The following TRIP4 variants were observed in gnomAD, a reference collection of about 807,000 sequenced individuals.
The protein encoded by TRIP4 is thyroid hormone receptor interactor 4.
In TRIP4, 54 loss-of-function variants were observed where a neutral mutation model predicts 81.8. That is an observed-to-expected ratio of 0.66 (90% CI 0.53 to 0.83). The LOEUF is 0.83. Ranked by LOEUF, TRIP4 falls within the 40% of genes least tolerant of loss-of-function variation. TRIP4 has a pLI of 0.00. For missense variants in TRIP4, 662 were observed against 683.6 expected, an observed-to-expected ratio of 0.97 and a Z score of 0.35; for synonymous variants, 270 against 242.8, an observed-to-expected ratio of 1.11 and a Z score of -1.04.
intron 12 of TRIP4, among the ~76,000 whole-genome samples, chr15:64,448,135 CCT>C (rs1566987068): frequency 6.6e-6 from 1 of 152,140 alleles, no homozygotes; most frequent in Non-Finnish European, 1.5e-5. Flanking sequence ...GGTGGTAAAT[CCT>C]CTCTCTCAAA....
chr15:64,388,128 G>T (rs558061382), intron 1 of TRIP4, 164 bp downstream of exon 1: 524 of 1,259,188 alleles, frequency 4.2e-4, no homozygotes, highest in Admixed American at 5.0e-4. Context: ...TTGTAGTTTA[G>T]TTTCTGGAAT....
chr15:64,413,779 G>C (rs1229269083), intron 7 of TRIP4, among the ~76,000 whole-genome samples: 1 of 151,462 alleles, frequency 6.6e-6, no homozygotes. Context: ...GTAGAGATGG[G>C]GTTTCACCAT....
intron 7 of TRIP4, among the ~76,000 whole-genome samples, chr15:64,412,797 A>C (rs1024750320): frequency 1.3e-5 from 2 of 152,194 alleles, no homozygotes; most frequent in Non-Finnish European, 2.9e-5. Flanking sequence ...CTGTAGAGCT[A>C]TAGAATGAAT....
intron 12 of TRIP4, chr15:64,451,077 A>C (rs1346019732): frequency 1.2e-5 from 2 of 169,576 alleles, no homozygotes; most frequent in Non-Finnish European, 2.6e-5. Flanking sequence ...TAATATAACC[A>C]CCCTTACTTC....
chr15:64,410,345 A>G (rs1166727441), intron 7 of TRIP4, among the ~76,000 whole-genome samples: 1 of 152,194 alleles, frequency 6.6e-6, no homozygotes, highest in African/African-American at 2.4e-5. Flanking sequence ...TTTTAAAACA[A>G]TGAGATATAG....
At chr15:64,403,134 TTACAGGC>T (rs1891548826) in intron 5 of TRIP4, among the ~76,000 whole-genome samples, 1 of 151,612 alleles carries the variant, frequency 6.6e-6, no homozygotes, top group Admixed American at 6.6e-5. Context: ...AGTGCTGGGA[TTACAGGC>T]GCGAGCCACC....
chr15:64,408,120 A>G (rs1464344889), intron 6 of TRIP4, among the ~76,000 whole-genome samples: 1 of 147,598 alleles, frequency 6.8e-6, no homozygotes, highest in African/African-American at 2.5e-5. Context: ...ATTCCTCCAG[A>G]GTACTGTTAA....
chr15:64,395,939 C>T (rs1188687104), intron 3 of TRIP4, among the ~76,000 whole-genome samples: 2 of 151,346 alleles, frequency 1.3e-5, no homozygotes, highest in Non-Finnish European at 2.9e-5. Flanking sequence ...GACAGAGTCT[C>T]GCTCTGTCGC....
At chr15:64,443,374 C>G (rs1212167584) in intron 11 of TRIP4, among the ~76,000 whole-genome samples, 6 of 152,156 alleles carry the variant, frequency 3.9e-5, no homozygotes, top group Non-Finnish European at 8.8e-5. Context: ...AAAAGCAGAG[C>G]TGTTGATTGT....
intron 1 of TRIP4, among the ~76,000 whole-genome samples, chr15:64,391,317 C>T (rs1448491453): frequency 6.6e-6 from 1 of 151,806 alleles, no homozygotes; most frequent in African/African-American, 2.4e-5. Flanking sequence ...ACACCATGCC[C>T]AGCTAATTTT....
At chr15:64,442,529 C>T (rs1004257975) in intron 11 of TRIP4, among the ~76,000 whole-genome samples, 9 of 151,816 alleles carry the variant, frequency 5.9e-5, no homozygotes, top group African/African-American at 2.2e-4. Context: ...AAGCAATCCT[C>T]CTGCCTGGGC....
rs186407941 is a variant in TRIP4, at chr15:64,445,469, A to T, written c.1678+361A>T. On this transcript the variant is annotated intron_variant, in intron 12 of 12. Transcript: ENST00000261884. ...GTGAAACCCCCCCGTCTCTACTAAGATTACCAAAAAAAAAAAAAAAAAATT... is the reference window on the plus strand; with the variant it reads ...GTGAAACCCCCCCGTCTCTACTAAGTTTACCAAAAAAAAAAAAAAAAAATT... 1.2e-3 allele frequency among the ~76,000 whole-genome samples: 91 copies of T among 73,964 alleles called. 1 individual carries two copies. The East Asian group carries it at 0.043, about 35-fold the overall frequency. 48.5% of individuals were successfully genotyped at this position (73,964 alleles called of 152,430 possible). A position where few individuals can be genotyped will look rare whatever the true frequency, so the allele number is the denominator to read the frequency against.
intron 4 of TRIP4, among the ~76,000 whole-genome samples, chr15:64,398,347 G>A (rs896376945): frequency 6.0e-5 from 9 of 150,692 alleles, no homozygotes; most frequent in Non-Finnish European, 1.3e-4. Flanking sequence ...GTGGGTTTTG[G>A]GAGGCTGAGG....
chr15:64,412,843 C>T (rs1241938677), intron 7 of TRIP4, among the ~76,000 whole-genome samples: 3 of 152,118 alleles, frequency 2.0e-5, no homozygotes. Flanking sequence ...TGATCTCTTA[C>T]TAACTAACCA....
At chr15:64,416,067 C>G (rs987936733) in intron 8 of TRIP4, among the ~76,000 whole-genome samples, 2 of 151,888 alleles carry the variant, frequency 1.3e-5, no homozygotes, top group African/African-American at 4.8e-5. Context: ...ATTTAAAGAC[C>G]AAAAGTGGGA....
At chr15:64,391,404 C>T (rs1010660784) in intron 1 of TRIP4, among the ~76,000 whole-genome samples, 5 of 151,892 alleles carry the variant, frequency 3.3e-5, no homozygotes, top group African/African-American at 1.2e-4. Flanking sequence ...GTCTGCCCGC[C>T]TCAGCCTCCC....
Position 64,409,610 on chromosome 15 carries a change from C to T in TRIP4, c.828-3C>T. On this transcript the variant is annotated splice_polypyrimidine_tract_variant and splice_region_variant and intron_variant, in intron 6 of 12. Transcript: ENST00000261884. ...TAATTACCATGTGTTCCCTTTTTCT[C>T]AGTATTCGAAGGACCCAAGTCATTG... 1 of 1,612,790 alleles carries T rather than the reference C, an allele frequency of 6.2e-7. No individual in the cohort carries two copies. Among genetic ancestry groups the T allele is most frequent in the Non-Finnish European group, 8.5e-7 (1 of 1,179,530 alleles).
At chr15:64,412,643 A>T (rs1272250356) in intron 7 of TRIP4, among the ~76,000 whole-genome samples, 3 of 60,066 alleles carry the variant, frequency 5.0e-5, no homozygotes, top group Non-Finnish European at 1.8e-4. Flanking sequence ...TTCCTAACAA[A>T]CATATATTGA....
At chr15:64,412,484 A>C (rs949321493) in intron 7 of TRIP4, among the ~76,000 whole-genome samples, 3 of 151,402 alleles carry the variant, frequency 2.0e-5, no homozygotes, top group African/African-American at 4.9e-5. Flanking sequence ...CATAGTAATT[A>C]TTACATCCCC....
Sources: gnomAD v4.1 joint callset for allele counts (sites outside exome capture counted in the v4.1 genomes callset) on GRCh38, gnomAD v4.1.1 for gene constraint, MANE v1.5 for transcripts, NCBI Gene and HGNC (gene_info 2026-07-23, HGNC 2026-07-21) for gene names.